KCNIP1: variants seen among roughly 807,000 people sequenced by gnomAD.
The protein encoded by KCNIP1 is potassium voltage-gated channel interacting protein 1, also known as A-type potassium channel modulatory protein KCNIP1.
In KCNIP1, 18 loss-of-function variants were observed where a neutral mutation model predicts 33.0. The observed-to-expected ratio is 0.55, with a 90% CI of 0.38 to 0.81. The LOEUF (loss-of-function observed/expected upper bound fraction) is 0.81, where lower values mean the gene tolerates loss of function less well. Among genes scored for constraint, KCNIP1 ranks in the 30% least tolerant of loss-of-function variants. The pLI, the probability that KCNIP1 is intolerant of heterozygous loss-of-function variation, is 0.00. For missense variants in KCNIP1, 238 were observed against 271.6 expected (o/e 0.88, Z 0.87); for synonymous variants, 93 against 98.3 (o/e 0.95, Z 0.32).
intron 1 of KCNIP1, among the ~76,000 whole-genome samples, chr5:170,671,641 G>C (rs1481483890): frequency 1.3e-5 from 2 of 152,166 alleles, no homozygotes; most frequent in Non-Finnish European, 2.9e-5. Flanking sequence ...TATGCCACTA[G>C]TATTAGAATC....
chr5:170,439,567 C>A (rs1440285612), intron 1 of KCNIP1, among the ~76,000 whole-genome samples: 1 of 152,174 alleles, frequency 6.6e-6, no homozygotes, highest in Non-Finnish European at 1.5e-5. Flanking sequence ...CCTGCTGGGG[C>A]AGAAGGCGGA....
At chr5:170,544,829 C>T (rs191693849) in intron 1 of KCNIP1, among the ~76,000 whole-genome samples, 10 of 152,232 alleles carry the variant, frequency 6.6e-5, no homozygotes. Context: ...AACAGTTAAA[C>T]TCCTGTACCC....
At chr5:170,483,218 C>T (rs978715743) in intron 1 of KCNIP1, 1 of 373,556 alleles carries the variant, frequency 2.7e-6, no homozygotes, top group Non-Finnish European at 5.2e-6. Context: ...CAAGAGGAAC[C>T]CAGGGTGGTG....
intron 1 of KCNIP1, among the ~76,000 whole-genome samples, chr5:170,711,211 T>C (rs1763431688): frequency 6.6e-6 from 1 of 152,142 alleles, no homozygotes; most frequent in African/African-American, 2.4e-5. Context: ...TTCCTACCAC[T>C]CTCTATAGTT....
chr5:170,727,693 T>C (rs1764057972), intron 5 of KCNIP1, among the ~76,000 whole-genome samples: 1 of 152,204 alleles, frequency 6.6e-6, no homozygotes, highest in African/African-American at 2.4e-5. Flanking sequence ...TCCCAACACT[T>C]TGGGAGACTG....
At chr5:170,378,531 G>T in intron 1 of KCNIP1, 1 of 756,686 alleles carries the variant, frequency 1.3e-6, no homozygotes, top group South Asian at 1.8e-5. Flanking sequence ...AGCAGGCAAT[G>T]ACTTCACAAA....
chr5:170,426,933 A>G (rs1427851005), intron 1 of KCNIP1, among the ~76,000 whole-genome samples: 1 of 152,190 alleles, frequency 6.6e-6, no homozygotes, highest in East Asian at 1.9e-4. Context: ...CCACAGGACC[A>G]GCTCCACAGG....
intron 1 of KCNIP1, among the ~76,000 whole-genome samples, chr5:170,598,924 T>TGTGTG (rs1554103633): frequency 6.7e-6 from 1 of 150,362 alleles, no homozygotes; most frequent in Non-Finnish European, 1.5e-5. Context: ...TGTGTGTGTG[T>TGTGTG]GTGTGTGTGT....
rs1440387959 is a variant in KCNIP1 at position 170,698,767 on chromosome 5, TTTA to T, written c.62-19988_62-19986del. ...AAAGATTGTTAGTCATTGTTTAATC[TTTA>T]TTGAGTATATACCGCCACACCAATT... is the stretch of plus-strand genomic sequence containing the variant. On this transcript the variant is annotated intron_variant, in intron 1 of 7. Coordinates refer to ENST00000328939, the MANE Select transcript of KCNIP1 (RefSeq NM_014592.4). Among the ~76,000 whole-genome samples the T allele has an allele frequency of 3.8e-4, 58 of 152,352 alleles. 1 individual carries two copies. The highest frequency in any genetic ancestry group is 3.7e-3 in the Admixed American group (56 of 15,308).
intron 1 of KCNIP1, among the ~76,000 whole-genome samples, chr5:170,636,455 C>T (rs1760286501): frequency 6.6e-6 from 1 of 152,164 alleles, no homozygotes; most frequent in Admixed American, 6.5e-5. Context: ...AACCAGGAGG[C>T]ACTATCCCAG....
At chr5:170,677,828 G>GA (rs375943207) in intron 1 of KCNIP1, among the ~76,000 whole-genome samples, 37 of 150,540 alleles carry the variant, frequency 2.5e-4, no homozygotes, top group East Asian at 5.8e-4. Flanking sequence ...GACCTAAGGG[G>GA]AAAAAAAAAT....
intron 1 of KCNIP1, among the ~76,000 whole-genome samples, chr5:170,676,054 G>GAGGGAGGAAGATGAATGAAGGA (rs1762121243): frequency 8.1e-6 from 1 of 122,934 alleles, no homozygotes; most frequent in Non-Finnish European, 1.8e-5. Flanking sequence ...GAGCAGAAAG[G>GAGGGAGGAAGATGAATGAAGGA]AGGGAGGAAG....
chr5:170,685,647 C>A (rs1167942578), intron 1 of KCNIP1, among the ~76,000 whole-genome samples: 1 of 151,904 alleles, frequency 6.6e-6, no homozygotes, highest in Admixed American at 6.6e-5. Context: ...TGCCACCGTG[C>A]CTGGCTAATT....
chr5:170,479,690 G>T (rs1451323000), intron 1 of KCNIP1, among the ~76,000 whole-genome samples: 1 of 152,156 alleles, frequency 6.6e-6, no homozygotes, highest in Non-Finnish European at 1.5e-5. Flanking sequence ...TTGCCCACAT[G>T]GGGGCTCTGG....
intron 1 of KCNIP1, among the ~76,000 whole-genome samples, chr5:170,583,022 C>T (rs1429449970): frequency 6.6e-6 from 1 of 152,184 alleles, no homozygotes; most frequent in African/African-American, 2.4e-5. Flanking sequence ...TGAGAAGTTG[C>T]CTACACGATA....
chr5:170,484,400 G>A (rs1224525308), intron 1 of KCNIP1, among the ~76,000 whole-genome samples: 1 of 152,162 alleles, frequency 6.6e-6, no homozygotes, highest in African/African-American at 2.4e-5. Context: ...CTGATCAGGT[G>A]CAGGCCCTCC....
At chr5:170,485,030 T>C (rs994627056) in intron 1 of KCNIP1, among the ~76,000 whole-genome samples, 2 of 148,232 alleles carry the variant, frequency 1.3e-5, no homozygotes, top group Non-Finnish European at 3.0e-5. Flanking sequence ...AATCTCTGCC[T>C]CCTAGTTTCA....
chr5:170,475,493 C>A (rs897592035), intron 1 of KCNIP1, among the ~76,000 whole-genome samples: 3 of 152,162 alleles, frequency 2.0e-5, no homozygotes. Flanking sequence ...ACACGGCTGT[C>A]CTGGAACAAG....
intron 1 of KCNIP1, among the ~76,000 whole-genome samples, chr5:170,656,794 T>G (rs541466496): frequency 1.2e-4 from 18 of 152,168 alleles, no homozygotes; most frequent in Non-Finnish European, 8.8e-5. Flanking sequence ...TCCCAACAAC[T>G]GCATGGCTGC....
Sources: gnomAD v4.1 joint callset for allele counts (sites outside exome capture counted in the v4.1 genomes callset) on GRCh38, gnomAD v4.1.1 for gene constraint, MANE v1.5 for transcripts, NCBI Gene and HGNC (gene_info 2026-07-23, HGNC 2026-07-21) for gene names.